Variants in HEPACAM observed in about 807,000 individuals in gnomAD.
The protein encoded by HEPACAM is hepatic and glial cell adhesion molecule.
A neutral mutation model predicts 38.3 loss-of-function variants in HEPACAM; 18 were observed. The ratio of observed to expected loss-of-function variants is 0.47; its 90% CI spans 0.33 to 0.70. The LOEUF is 0.70. HEPACAM is among the 30% of genes least tolerant of loss of function. The pLI is 0.03. For missense variants in HEPACAM, 466 were observed against 563.0 expected, an observed-to-expected ratio of 0.83 and a Z score of 1.74; for synonymous variants, 216 against 243.1, an observed-to-expected ratio of 0.89 and a Z score of 1.04.
At chr11:124,932,369 A>T (rs1162890141) in intron 1 of HEPACAM, among the ~76,000 whole-genome samples, 1 of 152,216 alleles carries the variant, frequency 6.6e-6, no homozygotes, top group Non-Finnish European at 1.5e-5. Flanking sequence ...TTGAAAATAA[A>T]CTTACCTACA....
In HEPACAM at chr11:124,921,493, C is replaced by CTA; in HGVS notation, c.949-54_949-53insTA. Reference sequence around the variant, plus strand: ...GGGGACAGTCAGCCCAGCCTGGGAGCGCGCCTGGTGTTAGAGCTTGCTGGA... The same window carrying CTA: ...GGGGACAGTCAGCCCAGCCTGGGAGCTAGCGCCTGGTGTTAGAGCTTGCTGGA... On this transcript the variant is annotated intron_variant, in intron 6 of 6. Transcript: ENST00000298251. This position sits in a 1 kb window ranked among gnomAD's most constrained non-coding sequence, Gnocchi z 4.6. 1 of 1,146,268 alleles carries CTA rather than the reference C, an allele frequency of 8.7e-7. No individual in the cohort carries two copies. The highest frequency in any genetic ancestry group is 4.2e-5 in the South Asian group (1 of 24,086). 71.0% of individuals were successfully genotyped at this position (1,146,268 alleles called of 1,614,324 possible). A position where few individuals can be genotyped will look rare whatever the true frequency, so the allele number is the denominator to read the frequency against.
At chr11:124,928,403 T>G (rs1479214593) in intron 1 of HEPACAM, among the ~76,000 whole-genome samples, 1 of 152,218 alleles carries the variant, frequency 6.6e-6, no homozygotes, top group African/African-American at 2.4e-5. Flanking sequence ...TAAAGGCCAC[T>G]GGGGTGATGA....
At chr11:124,923,463 A>G (rs1591548516) in intron 3 of HEPACAM, 30 bp from the exon 4 acceptor site, 1 of 1,496,510 alleles carries the variant, frequency 6.7e-7, no homozygotes, top group East Asian at 2.3e-5. Flanking sequence ...GAGAGGCAGG[A>G]GGGACTTCAA....
At position 124,919,856 on chromosome 11, in the gene HEPACAM, G is replaced by T. The variant is rs914743928; in HGVS notation, c.*1282C>A. On this transcript the variant is annotated 3_prime_UTR_variant, in exon 7 of 7. Coordinates refer to ENST00000298251, the MANE Select transcript of HEPACAM (RefSeq NM_152722.5). ...ACCCTTGGAGGCATTAAGGAGGAGG[G>T]AATGGAATACACAGAGGGCCTCCTT... The T allele has an allele frequency of 1.9e-6, 3 of 1,614,016 alleles. No homozygotes were observed. In the Admixed American group the frequency reaches 5.0e-5, roughly 27 times the overall value.
In HEPACAM at chr11:124,924,956, C is replaced by T; in HGVS notation, c.199G>A (p.Val67Met). 6.2e-7 allele frequency: 1 copy of T among 1,614,204 alleles called. No homozygotes were observed. Among genetic ancestry groups the T allele is most frequent in the South Asian group, 1.1e-5 (1 of 91,088 alleles). The stretch of plus-strand genomic sequence containing the variant: ...TTGTCCCGCTTCAGCTGCCACTTCA[C>T]TACAGGCCTGTCGCTGCTGGTACTG... Reference protein sequence around the residue: ...YSSTSSDRPVVKWQLKRDKPV... With the variant: ...YSSTSSDRPVMKWQLKRDKPV... Residue 67 changes from valine (V) to methionine (M), a missense_variant, in exon 2 of 7, where the codon GTG becomes ATG. Coordinates refer to ENST00000298251, the MANE Select transcript of HEPACAM (RefSeq NM_152722.5). The surrounding 1 kb of genome is among the most constrained non-coding windows in gnomAD (Gnocchi z 4.4).
chr11:124,931,652 G>A (rs980996430), intron 1 of HEPACAM, among the ~76,000 whole-genome samples: 7 of 152,306 alleles, frequency 4.6e-5, no homozygotes, highest in South Asian at 4.1e-4. Context: ...TTTGAAAACC[G>A]TTTGGCCATG....
Position 124,920,706 on chromosome 11 carries a change from A to AAAAATTGCCCCAGC in HEPACAM, c.*431_*432insGCTGGGGCAATTTT. ...AAAAAAAAAAAAAAAAAAAAAAAAA[A>AAAAATTGCCCCAGC]AAAGTGCCCCAGCACTCAGGCATTT... On this transcript the variant is annotated 3_prime_UTR_variant, in exon 7 of 7. Transcript: ENST00000298251. 1 of 1,022,076 alleles carries AAAAATTGCCCCAGC rather than the reference A, an allele frequency of 9.8e-7. No homozygotes were observed. Among genetic ancestry groups the AAAAATTGCCCCAGC allele is most frequent in the Non-Finnish European group, 1.2e-6 (1 of 853,400 alleles). 63.3% of individuals were successfully genotyped at this position (1,022,076 alleles called of 1,614,324 possible).
At chr11:124,925,832 T>G (rs1466159466) in intron 1 of HEPACAM, among the ~76,000 whole-genome samples, 1 of 152,190 alleles carries the variant, frequency 6.6e-6, no homozygotes, top group Admixed American at 6.5e-5. Context: ...CAGAAAAAGC[T>G]TTTTCATGCT....
chr11:124,935,335 G>GTATGTAC (rs1237424212), intron 1 of HEPACAM, among the ~76,000 whole-genome samples: 5 of 152,022 alleles, frequency 3.3e-5, no homozygotes, highest in Non-Finnish European at 7.4e-5. Flanking sequence ...GTGTATATGT[G>GTATGTAC]TATGTACTCA....
rs1455810733 is a variant in HEPACAM at position 124,924,824 on chromosome 11, C to T, written c.331G>A (p.Asp111Asn). 5.0e-6 allele frequency: 8 copies of T among 1,614,138 alleles called. No individual in the cohort carries two copies. The highest frequency in any genetic ancestry group is 1.1e-5 in the South Asian group (1 of 91,074). ...LFENGSLLLSDLQLADEGTYE... is the reference protein window; with the variant it reads ...LFENGSLLLSNLQLADEGTYE... ...GTGCCCTCATCGGCCAGCTGCAGGT[C>T]GCTGAGAAGCAGGGAGCCATTTTCA... is the stretch of plus-strand genomic sequence containing the variant. Residue 111 changes from aspartate (D) to asparagine (N), a missense_variant, in exon 2 of 7, where the codon GAC (aspartate) becomes AAC (asparagine). Asp to Asn is a conservative substitution (Grantham distance 23, BLOSUM62 1). Coordinates refer to ENST00000298251, the MANE Select transcript of HEPACAM (RefSeq NM_152722.5). This position sits in a 1 kb window ranked among gnomAD's most constrained non-coding sequence, Gnocchi z 4.4.
chr11:124,932,570 G>T (rs1947291887), intron 1 of HEPACAM, among the ~76,000 whole-genome samples: 1 of 152,156 alleles, frequency 6.6e-6, no homozygotes, highest in Non-Finnish European at 1.5e-5. Context: ...GGGCTAGCTT[G>T]GTGGTGTCTG....
At chr11:124,927,755 G>A (rs1232417458) in intron 1 of HEPACAM, among the ~76,000 whole-genome samples, 2 of 152,040 alleles carry the variant, frequency 1.3e-5, no homozygotes, top group African/African-American at 2.4e-5. Context: ...GCCGGGCATG[G>A]TGGCACACAC....
In HEPACAM at chr11:124,924,575, G is replaced by A; in HGVS notation, c.427+153C>T. On this transcript the variant is annotated intron_variant, in intron 2 of 6. Coordinates refer to ENST00000298251, the MANE Select transcript of HEPACAM (RefSeq NM_152722.5). This position sits in a 1 kb window ranked among gnomAD's most constrained non-coding sequence, Gnocchi z 4.4. ...TCACTCTACATGTTAGCTGTGCTGT[G>A]CCTGTCTGCCAACTTCTAATGTCCA... 1 of 768,900 alleles carries A rather than the reference G, an allele frequency of 1.3e-6. No homozygotes were observed. The highest frequency in any genetic ancestry group is 1.7e-5 in the African/African-American group (1 of 59,270). 47.6% of individuals were successfully genotyped at this position (768,900 alleles called of 1,614,324 possible). A position where few individuals can be genotyped will look rare whatever the true frequency, so the allele number is the denominator to read the frequency against.
chr11:124,935,913 G>A lies in HEPACAM; in HGVS notation c.85+9C>T. On this transcript the variant is annotated intron_variant, in intron 1 of 6. Transcript: ENST00000298251. ...TCTTCAGACCCTTTCTTACCCTCTG[G>A]CCTCCTACCTGTCTGGATCAGAAGA... The A allele has an allele frequency of 6.2e-7, 1 of 1,612,854 alleles. No homozygotes were observed. Among genetic ancestry groups the A allele is most frequent in the South Asian group, 1.1e-5 (1 of 91,052 alleles).
chr11:124,931,726 A>C (rs1333831016), intron 1 of HEPACAM, among the ~76,000 whole-genome samples: 1 of 152,238 alleles, frequency 6.6e-6, no homozygotes, highest in African/African-American at 2.4e-5. Flanking sequence ...ATGTATCCCC[A>C]AAAGAAATGC....
Position 124,919,423 on chromosome 11 carries a change from A to C in HEPACAM, c.*1715T>G. On this transcript the variant is annotated 3_prime_UTR_variant, in exon 7 of 7. Coordinates refer to ENST00000298251, the MANE Select transcript of HEPACAM (RefSeq NM_152722.5). ...AGCCTGGCAAGCTGGCCCCTCAGGGATTCAGCACCAGGGTATGGCATGTTC... is the reference window on the plus strand; with the variant it reads ...AGCCTGGCAAGCTGGCCCCTCAGGGCTTCAGCACCAGGGTATGGCATGTTC... 3.5e-6 allele frequency: 1 copy of C among 289,358 alleles called. No individual in the cohort carries two copies. The highest frequency in any genetic ancestry group is 6.4e-6 in the Non-Finnish European group (1 of 156,166). 17.9% of individuals were successfully genotyped at this position (289,358 alleles called of 1,614,324 possible).
chr11:124,923,913 C>A lies in HEPACAM; in HGVS notation c.525G>T (p.Lys175Asn), dbSNP rs767386171. 3.1e-6 allele frequency: 5 copies of A among 1,613,486 alleles called. No individual in the cohort carries two copies. The highest frequency in any genetic ancestry group is 4.2e-6 in the Non-Finnish European group (5 of 1,179,998). Residue 175 changes from lysine (K) to asparagine (N), a missense_variant, in exon 3 of 7, where the codon AAG becomes AAT. Lys to Asn is a moderately conservative substitution (Grantham distance 94). Coordinates refer to ENST00000298251, the MANE Select transcript of HEPACAM (RefSeq NM_152722.5). ...TLNCSHENGT[K>N]PSYTWLKDGK... ...CATCCTTCAGCCAGGTGTAGCTGGG[C>A]TTGGTGCCATTCTCATGTGAGCAGT...
chr11:124,926,705 C>G (rs1291663793), intron 1 of HEPACAM, among the ~76,000 whole-genome samples: 1 of 152,074 alleles, frequency 6.6e-6, no homozygotes, highest in Admixed American at 6.6e-5. Context: ...TCTGAAGCTC[C>G]CTCATTCTTT....
rs1244001215 is a variant in HEPACAM, at chr11:124,924,858, G to A, written c.297C>T (p.Ile99=). ...GCAGGGAGCCATTTTCAAAGAGTCGGATACGGTCTCGATAGTCAGGCCGCA... is the reference window on the plus strand; with the variant it reads ...GCAGGGAGCCATTTTCAAAGAGTCGAATACGGTCTCGATAGTCAGGCCGCA... ...GTLRPDYRDR[I]RLFENGSLLL... Residue 99 remains isoleucine (I), a synonymous_variant, in exon 2 of 7, where the codon ATC becomes ATT. Transcript: ENST00000298251. The surrounding 1 kb of genome is among the most constrained non-coding windows in gnomAD (Gnocchi z 4.4). The A allele has an allele frequency of 2.5e-6, 4 of 1,614,062 alleles. No individual in the cohort carries two copies. The highest frequency in any genetic ancestry group is 3.4e-6 in the Non-Finnish European group (4 of 1,180,040).
Sources: gnomAD v4.1 joint callset for allele counts (sites outside exome capture counted in the v4.1 genomes callset) on GRCh38, gnomAD v4.1.1 for gene constraint, Gnocchi (gnomAD v3.1) non-coding constraint, MANE v1.5 for transcripts, NCBI Gene and HGNC (gene_info 2026-07-23, HGNC 2026-07-21) for gene names.